The following ALG8 variants were observed in gnomAD, a reference collection of about 807,000 sequenced individuals.
ALG8 encodes the protein dolichyl pyrophosphate Glc1Man9GlcNAc2 alpha-1,3-glucosyltransferase.
A neutral mutation model predicts 70.2 loss-of-function variants in ALG8; 48 were observed. The observed-to-expected ratio is 0.68, with a 90% CI of 0.54 to 0.87. The LOEUF (loss-of-function observed/expected upper bound fraction) is 0.87, where lower values mean the gene tolerates loss of function less well. Ranked by LOEUF, ALG8 falls within the 40% of genes least tolerant of loss-of-function variation. The probability of loss-of-function intolerance (pLI) is 0.00; values close to 1 mark genes in which losing one functional copy is unlikely to be tolerated. For synonymous variants in ALG8, 234 were observed against 229.0 expected (o/e 1.02, Z -0.20); for missense variants, 572 against 608.7 (o/e 0.94, Z 0.64).
At position 78,113,866 on chromosome 11, in the gene ALG8, A is replaced by AAAAG; in HGVS notation, c.777+19_777+20insCTTT. The AAAAG allele has an allele frequency of 6.6e-7, 1 of 1,508,782 alleles. No individual in the cohort carries two copies. The highest frequency in any genetic ancestry group is 8.9e-7 in the Non-Finnish European group (1 of 1,122,412). The allele number at this position is 1,508,782 out of a possible 1,614,324, so 93.5% of individuals were successfully genotyped here. ...ACAAAGAACATGTATTAATTGAAAA[A>AAAAG]AAAAAAAAAAAAGGCTTACCAAGGC... is the stretch of plus-strand genomic sequence containing the variant. On this transcript the variant is annotated intron_variant, in intron 7 of 12. Transcript: ENST00000299626.
chr11:78,109,656 T>C (rs1195988496), intron 8 of ALG8, 75 bp from the exon 9 acceptor site: 3 of 1,406,644 alleles, frequency 2.1e-6, no homozygotes, highest in Admixed American at 1.8e-5. Context: ...AATCAATTCC[T>C]TGAGGAATAA....
At chr11:78,119,154 A>T in intron 5 of ALG8, 28 bp downstream of exon 5, 1 of 1,556,764 alleles carries the variant, frequency 6.4e-7, no homozygotes, top group East Asian at 2.3e-5. Flanking sequence ...CTAAAAGGGA[A>T]AAAATCTAAT....
At position 78,139,482 on chromosome 11, in the gene ALG8, C is replaced by T. The variant is rs544098771; in HGVS notation, c.95+12G>A. On this transcript the variant is annotated intron_variant, in intron 1 of 12. Coordinates refer to ENST00000299626, the MANE Select transcript of ALG8 (RefSeq NM_024079.5). ...CCTCCCCGCCCAGCCCCTGGCCGTGCGAGTCCCTTACTATGTGGGGATGAG... is the reference window on the plus strand; with the variant it reads ...CCTCCCCGCCCAGCCCCTGGCCGTGTGAGTCCCTTACTATGTGGGGATGAG... 8 of 1,554,030 alleles carry T rather than the reference C, an allele frequency of 5.1e-6. No individual in the cohort carries two copies. Among genetic ancestry groups the T allele is most frequent in the African/African-American group, 1.4e-5 (1 of 73,214 alleles).
chr11:78,126,136 G>A (rs1272688943), intron 2 of ALG8, among the ~76,000 whole-genome samples: 3 of 152,004 alleles, frequency 2.0e-5, no homozygotes, highest in African/African-American at 7.2e-5. Context: ...TCCAGCCTGG[G>A]CAACAGAGCG....
intron 5 of ALG8, 50 bp downstream of exon 5, chr11:78,119,132 C>A (rs200665495): frequency 2.1e-6 from 3 of 1,455,158 alleles, no homozygotes; most frequent in Non-Finnish European, 2.9e-6. Context: ...CCTTTACAAT[C>A]TAAAAACTAA....
rs10793289 is a variant in ALG8, at chr11:78,139,471, C to A, written c.95+23G>T. 678,730 of 1,552,016 alleles carry A rather than the reference C, an allele frequency of 0.44. 151,945 individuals carry two copies. Among genetic ancestry groups the A allele is most frequent in the Non-Finnish European group, 0.46 (524,632 of 1,146,966 alleles). ...CGACCGCGGGGCCTCCCCGCCCAGC[C>A]CCTGGCCGTGCGAGTCCCTTACTAT... On this transcript the variant is annotated intron_variant, in intron 1 of 12. Coordinates refer to ENST00000299626, the MANE Select transcript of ALG8 (RefSeq NM_024079.5).
chr11:78,102,600 A>C (rs370058141), intron 12 of ALG8, among the ~76,000 whole-genome samples: 114 of 152,332 alleles, frequency 7.5e-4, no homozygotes, highest in African/African-American at 2.6e-3. Flanking sequence ...ACTGCATTTT[A>C]ACATAGTTAA....
At chr11:78,105,585 C>T (rs1416967559) in intron 10 of ALG8, among the ~76,000 whole-genome samples, 4 of 149,692 alleles carry the variant, frequency 2.7e-5, no homozygotes, top group African/African-American at 9.9e-5. Context: ...AGGAAGACTG[C>T]TTGTGCCCAG....
rs528979696 is a variant in ALG8 at position 78,104,735 on chromosome 11, G to A, written c.1179-282C>T. 7.9e-5 allele frequency among the ~76,000 whole-genome samples: 12 copies of A among 152,180 alleles called. No individual in the cohort carries two copies. In the East Asian group the frequency reaches 1.5e-3, roughly 20 times the overall value. On this transcript the variant is annotated intron_variant, in intron 10 of 12. Transcript: ENST00000299626. Reference sequence around the variant, plus strand: ...TCCCAGCACTTTGGGAGGCCGAGGCGGGAGGATCACCTGAGGTCAGGAATT... The same window carrying A: ...TCCCAGCACTTTGGGAGGCCGAGGCAGGAGGATCACCTGAGGTCAGGAATT...
At chr11:78,112,801 C>T in intron 7 of ALG8, 31 bp from the exon 8 acceptor site, 2 of 1,609,610 alleles carry the variant, frequency 1.2e-6, no homozygotes, top group Non-Finnish European at 1.7e-6. Context: ...ACTGATTAAA[C>T]AGTCATCAAT....
At chr11:78,133,342 T>C (rs1020246719) in intron 1 of ALG8, 1 of 152,222 alleles carries the variant, frequency 6.6e-6, no homozygotes, top group Non-Finnish European at 1.5e-5. Flanking sequence ...GCATTTATCC[T>C]GTAACTTCCC....
chr11:78,129,877 T>C (rs2136938208), intron 1 of ALG8, among the ~76,000 whole-genome samples: 1 of 94,750 alleles, frequency 1.1e-5, no homozygotes, highest in South Asian at 3.3e-4. Flanking sequence ...TTGAGAACCA[T>C]GCTATCTAGT....
At chr11:78,127,573 A>G (rs1457202625) in intron 1 of ALG8, 137 bp from the exon 2 acceptor site, 9 of 767,530 alleles carry the variant, frequency 1.2e-5, no homozygotes, top group African/African-American at 6.9e-5. Context: ...ACAAATAGAC[A>G]TTACATAATC....
intron 7 of ALG8, 129 bp from the exon 8 acceptor site, chr11:78,112,899 GTT>G (rs1460091051): frequency 1.8e-6 from 2 of 1,101,268 alleles, no homozygotes; most frequent in Non-Finnish European, 2.6e-6. Context: ...TAAGTAAGTG[GTT>G]ATATGCTCAC....
chr11:78,130,428 G>A (rs552232634), intron 1 of ALG8, among the ~76,000 whole-genome samples: 3 of 150,766 alleles, frequency 2.0e-5, no homozygotes, highest in African/African-American at 4.9e-5. Flanking sequence ...AAAGATGCCC[G>A]AGGGATAATA....
intron 8 of ALG8, among the ~76,000 whole-genome samples, chr11:78,111,417 C>T (rs617606): frequency 0.13 from 19,772 of 152,142 alleles, 1,485 homozygotes; most frequent in East Asian, 0.29. Context: ...GAAAGTTAGA[C>T]GAAAGGAAGC....
intron 10 of ALG8, among the ~76,000 whole-genome samples, chr11:78,105,439 T>G (rs940869208): frequency 2.0e-5 from 3 of 152,164 alleles, no homozygotes; most frequent in African/African-American, 7.2e-5. Flanking sequence ...AGGTCCTAAC[T>G]CTAATTCTTG....
rs972836196 is a variant in ALG8 at position 78,101,283 on chromosome 11, C to T, written c.1350-88G>A. The T allele has an allele frequency of 9.5e-6, 10 of 1,048,112 alleles. No homozygotes were observed. The African/African-American group carries it at 9.6e-5, about 10-fold the overall frequency. The allele number at this position is 1,048,112 out of a possible 1,614,324, so 64.9% of individuals were successfully genotyped here. ...CCTAGCTAAAGCTTCCCCATCTGCA[C>T]TGTCTTGCTGTCAATTATTATAGCC... On this transcript the variant is annotated intron_variant, in intron 12 of 12. Transcript: ENST00000299626.
chr11:78,119,024 G>C (rs1188777932), intron 5 of ALG8, among the ~76,000 whole-genome samples, 158 bp downstream of exon 5: 1 of 152,202 alleles, frequency 6.6e-6, no homozygotes, highest in Non-Finnish European at 1.5e-5. Context: ...GGTCAAAAGA[G>C]AAGATGGAAT....
Sources: allele counts gnomAD v4.1 joint callset (sites outside exome capture counted in the v4.1 genomes callset), GRCh38; gene constraint gnomAD v4.1.1; transcripts MANE v1.5; gene names NCBI Gene and HGNC (gene_info 2026-07-23, HGNC 2026-07-21).